Variants in JCAD observed in about 807,000 individuals in gnomAD.
JCAD encodes junctional cadherin 5 associated.
JCAD carries 40 observed loss-of-function variants against 98.0 expected under a neutral mutation model. The ratio of observed to expected loss-of-function variants is 0.41; its 90% CI spans 0.32 to 0.53. The LOEUF is 0.53. Among genes scored for constraint, JCAD ranks in the 20% least tolerant of loss-of-function variants. JCAD has a pLI of 0.31. For missense variants in JCAD, 1,705 were observed against 1,738.1 expected (o/e 0.98, Z 0.34); for synonymous variants, 691 against 682.3 (o/e 1.01, Z -0.20).
chr10:30,079,233 G>A (rs1838032237), intron 1 of JCAD, among the ~76,000 whole-genome samples: 1 of 151,634 alleles, frequency 6.6e-6, no homozygotes, highest in Admixed American at 6.6e-5. Context: ...TGTAGTCCCA[G>A]CTACTCGGGA....
intron 2 of JCAD, among the ~76,000 whole-genome samples, chr10:30,034,633 A>G (rs1459386162): frequency 6.6e-6 from 1 of 151,890 alleles, no homozygotes; most frequent in Non-Finnish European, 1.5e-5. Flanking sequence ...TCCCCACTTT[A>G]GCTGAGCCAG....
In JCAD at chr10:30,034,524, A is replaced by C. The variant is rs187958472; in HGVS notation, c.282-4658T>G. Among the ~76,000 whole-genome samples the C allele has an allele frequency of 5.1e-4, 78 of 152,248 alleles. No individual in the cohort carries two copies. In the East Asian group the frequency reaches 0.015, roughly 29 times the overall value. On this transcript the variant is annotated intron_variant, in intron 2 of 3. Transcript: ENST00000375377. ...TTATGTTTTGAGCATTTGGGTTTTG[A>C]ATGCTGAGAAGACTGCTTCCTGGTC...
intron 2 of JCAD, among the ~76,000 whole-genome samples, chr10:30,066,225 A>C (rs771986423): frequency 3.3e-5 from 5 of 152,212 alleles, no homozygotes; most frequent in Non-Finnish European, 4.4e-5. Context: ...ACTGAAACAA[A>C]ACCTACAATG....
chr10:30,066,352 C>T (rs112497116), intron 2 of JCAD, among the ~76,000 whole-genome samples: 5 of 152,276 alleles, frequency 3.3e-5, no homozygotes, highest in African/African-American at 1.2e-4. Context: ...TTGCTCTCCT[C>T]GTGTCAGCTT....
intron 1 of JCAD, among the ~76,000 whole-genome samples, chr10:30,070,834 C>T (rs1004135994): frequency 2.6e-5 from 4 of 152,206 alleles, no homozygotes; most frequent in African/African-American, 9.7e-5. Flanking sequence ...TCAGTAGGCA[C>T]ATCTAAATAT....
chr10:30,033,926 C>G (rs1837055268), intron 2 of JCAD, among the ~76,000 whole-genome samples: 1 of 152,140 alleles, frequency 6.6e-6, no homozygotes, highest in South Asian at 2.1e-4. Context: ...GATAGCCCCT[C>G]AAACTCTGTA....
Position 30,016,108 on chromosome 10 carries a change from CTGTTT to C in JCAD, c.*1770_*1774del, listed in dbSNP as rs1389910831. On this transcript the variant is annotated 3_prime_UTR_variant, in exon 4 of 4. Transcript: ENST00000375377. The stretch of plus-strand genomic sequence containing the variant: ...AAGATTTTTCGGGGCGACTTAGGTT[CTGTTT>C]TGTTTGTTACAGTCCAAATACATAA... 2.6e-5 allele frequency: 4 copies of C among 152,196 alleles called. No individual in the cohort carries two copies. Among genetic ancestry groups the C allele is most frequent in the African/African-American group, 9.7e-5 (4 of 41,446 alleles). 9.4% of individuals were successfully genotyped at this position (152,196 alleles called of 1,614,324 possible).
chr10:30,077,653 C>T (rs1838005095), intron 1 of JCAD, among the ~76,000 whole-genome samples: 1 of 152,150 alleles, frequency 6.6e-6, no homozygotes, highest in Admixed American at 6.6e-5. Flanking sequence ...CTTCTGGATA[C>T]CTCAGACAAG....
rs199615554 is a variant in JCAD, at chr10:30,084,061, AAAAG to A, written n.129-14244_129-14241del. ...AGAGAGAAAGGGAGAAATAGAAAGA[AAAAG>A]AAAGAAAGAAAGAAAGAGTGAGAGA... On this transcript the variant is annotated intron_variant and non_coding_transcript_variant, in intron 1 of 2. Transcript: ENST00000465712. Among the ~76,000 whole-genome samples the A allele has an allele frequency of 5.1e-3, 774 of 151,838 alleles. 5 individuals carry two copies. Among genetic ancestry groups the A allele is most frequent in the South Asian group, 0.04 (192 of 4,758 alleles).
At chr10:30,076,029 C>CTT (rs556331811) in intron 1 of JCAD, among the ~76,000 whole-genome samples, 1 of 145,640 alleles carries the variant, frequency 6.9e-6, no homozygotes. Flanking sequence ...CAAACAGGGA[C>CTT]TTTTTTTTTT....
chr10:30,106,391 A>G (rs1838581666), intron 1 of JCAD, among the ~76,000 whole-genome samples: 1 of 152,092 alleles, frequency 6.6e-6, no homozygotes, highest in South Asian at 2.1e-4. Context: ...TGATGGCACC[A>G]CTGCACTGGG....
intron 1 of JCAD, among the ~76,000 whole-genome samples, chr10:30,095,217 T>C (rs1838349821): frequency 6.6e-6 from 1 of 152,226 alleles, no homozygotes; most frequent in Non-Finnish European, 1.5e-5. Flanking sequence ...ATTTTGCCCA[T>C]GATGGACAAG....
At chr10:30,072,408 T>C (rs921968778) in intron 1 of JCAD, among the ~76,000 whole-genome samples, 11 of 152,232 alleles carry the variant, frequency 7.2e-5, no homozygotes, top group African/African-American at 2.7e-4. Flanking sequence ...TATAAGTCTA[T>C]GCCTTCCTGC....
At chr10:30,058,021 G>A (rs1322967880) in intron 1 of JCAD, among the ~76,000 whole-genome samples, 1 of 152,134 alleles carries the variant, frequency 6.6e-6, no homozygotes, top group Non-Finnish European at 1.5e-5. Context: ...CATTCCCAAA[G>A]TTTTACCTGT....
chr10:30,041,048 C>T (rs544162038), intron 2 of JCAD, among the ~76,000 whole-genome samples: 1 of 152,252 alleles, frequency 6.6e-6, no homozygotes, highest in East Asian at 1.9e-4. Flanking sequence ...CAGAAGCCTG[C>T]ACCTCCACAC....
At chr10:30,051,983 C>G (rs1045267156) in intron 1 of JCAD, among the ~76,000 whole-genome samples, 1 of 152,194 alleles carries the variant, frequency 6.6e-6, no homozygotes, top group African/African-American at 2.4e-5. Context: ...TTCCCCAAAT[C>G]ATCAAATGGA....
chr10:30,067,903 C>T (rs376162951), intron 2 of JCAD, among the ~76,000 whole-genome samples: 14 of 152,120 alleles, frequency 9.2e-5, no homozygotes, highest in Non-Finnish European at 1.6e-4. Context: ...ACTCCTAGGC[C>T]GCAAACCATG....
intron 1 of JCAD, among the ~76,000 whole-genome samples, chr10:30,098,129 C>T (rs998440557): frequency 3.9e-5 from 6 of 152,138 alleles, no homozygotes; most frequent in Admixed American, 3.9e-4. Context: ...TCCTTTTGTT[C>T]TTGGGAGAAA....
chr10:30,078,532 G>A (rs145334856), intron 1 of JCAD, among the ~76,000 whole-genome samples: 15 of 152,258 alleles, frequency 9.9e-5, no homozygotes, highest in Non-Finnish European at 1.6e-4. Context: ...CTGAATGGCT[G>A]GACAAAAGCG....
Sources: gnomAD v4.1 joint callset for allele counts (sites outside exome capture counted in the v4.1 genomes callset) on GRCh38, gnomAD v4.1.1 for gene constraint, MANE v1.5 for transcripts, NCBI Gene and HGNC (gene_info 2026-07-23, HGNC 2026-07-21) for gene names.